The following PACRG variants were observed in gnomAD, a reference collection of about 807,000 sequenced individuals.
PACRG encodes the protein parkin coregulated gene protein.
Under a neutral mutation model 29.7 loss-of-function variants are expected in PACRG, and 29 were observed. The ratio of observed to expected loss-of-function variants is 0.98; its 90% confidence interval spans 0.73 to 1.33. The LOEUF is 1.33. Ranked by LOEUF, PACRG falls within the 40% of genes most tolerant of loss-of-function variation. PACRG has a pLI of 0.00. For synonymous variants in PACRG, 116 were observed against 118.7 expected, an observed-to-expected ratio of 0.98 and a Z score of 0.15; for missense variants, 279 against 316.2, an observed-to-expected ratio of 0.88 and a Z score of 0.89.
intron 2 of PACRG, among the ~76,000 whole-genome samples, chr6:162,978,204 G>T (rs1025317973): frequency 1.3e-5 from 2 of 152,006 alleles, no homozygotes; most frequent in Non-Finnish European, 2.9e-5. Context: ...CAGCATGAAT[G>T]CTCATTACTT....
intron 2 of PACRG, among the ~76,000 whole-genome samples, chr6:163,028,650 T>G (rs1307951351): frequency 6.6e-6 from 1 of 152,242 alleles, no homozygotes; most frequent in Non-Finnish European, 1.5e-5. Context: ...ATATAAAGTT[T>G]AAATGATCAA....
chr6:162,999,559 A>C (rs1412093664), intron 2 of PACRG, among the ~76,000 whole-genome samples: 2 of 152,240 alleles, frequency 1.3e-5, no homozygotes, highest in Middle Eastern at 3.2e-3. Flanking sequence ...AACACACACA[A>C]AAAATTCAGA....
intron 2 of PACRG, among the ~76,000 whole-genome samples, chr6:162,920,427 T>G (rs1421695679): frequency 1.3e-5 from 2 of 152,186 alleles, no homozygotes; most frequent in Non-Finnish European, 2.9e-5. Flanking sequence ...CAGTTTACCA[T>G]AGACACAGCA....
At chr6:163,230,633 A>C (rs1485833363) in intron 4 of PACRG, among the ~76,000 whole-genome samples, 1 of 152,214 alleles carries the variant, frequency 6.6e-6, no homozygotes, top group African/African-American at 2.4e-5. Flanking sequence ...GACGTGTCCA[A>C]ATGTGTCCAA....
At position 162,871,948 on chromosome 6, in the gene PACRG, C is replaced by CA. The variant is rs922208899; in HGVS notation, c.291+57676dup. 4.3e-3 allele frequency among the ~76,000 whole-genome samples: 653 copies of CA among 150,264 alleles called. 6 individuals are homozygous for CA. Among genetic ancestry groups the CA allele is most frequent in the African/African-American group, 0.015 (606 of 41,062 alleles). On this transcript the variant is annotated intron_variant, in intron 2 of 4. Coordinates refer to ENST00000366888, the MANE Select transcript of PACRG (RefSeq NM_001080379.2). ...AAACAAAAACAAAAACAAAACAAAA[C>CA]AAAAAAAAACAAAAGACTACTTTCT...
At chr6:162,950,285 C>T (rs1799548873) in intron 2 of PACRG, among the ~76,000 whole-genome samples, 1 of 151,932 alleles carries the variant, frequency 6.6e-6, no homozygotes, top group Admixed American at 6.6e-5. Flanking sequence ...ATCGTGAGGT[C>T]AGGAGATCGA....
intron 4 of PACRG, among the ~76,000 whole-genome samples, chr6:163,280,878 A>G (rs1409516688): frequency 2.0e-5 from 3 of 152,206 alleles, no homozygotes; most frequent in African/African-American, 7.2e-5. Context: ...GGACTTCAAC[A>G]TATGAATTTG....
intron 1 of PACRG, among the ~76,000 whole-genome samples, chr6:162,743,726 A>G (rs1562552419): frequency 6.6e-6 from 1 of 152,178 alleles, no homozygotes; most frequent in Non-Finnish European, 1.5e-5. Flanking sequence ...ATTCATATAC[A>G]TATAATTCAC....
intron 2 of PACRG, among the ~76,000 whole-genome samples, chr6:162,845,017 T>C (rs913728156): frequency 6.6e-6 from 1 of 152,140 alleles, no homozygotes; most frequent in African/African-American, 2.4e-5. Flanking sequence ...GTGCTTTTTG[T>C]CAAATAATCT....
At chr6:163,263,033 C>T (rs951198333) in intron 4 of PACRG, among the ~76,000 whole-genome samples, 67 of 150,454 alleles carry the variant, frequency 4.5e-4, no homozygotes, top group African/African-American at 1.5e-3. Context: ...CCTGGGCAAC[C>T]GAACAAGACT....
At chr6:163,264,119 C>T (rs1783438210) in intron 4 of PACRG, among the ~76,000 whole-genome samples, 1 of 152,182 alleles carries the variant, frequency 6.6e-6, no homozygotes, top group South Asian at 2.1e-4. Flanking sequence ...AAGATGCAAA[C>T]TCAAATAGCT....
rs571398294 is a variant in PACRG, at chr6:162,800,381, T to C, written c.157-13766T>C. 3.3e-5 allele frequency among the ~76,000 whole-genome samples: 5 copies of C among 152,334 alleles called. No homozygotes were observed. In the East Asian group the frequency reaches 9.6e-4, roughly 29 times the overall value. On this transcript the variant is annotated intron_variant, in intron 1 of 4. Transcript: ENST00000366888. ...AAAAATAATTTAAAACAAATTTTGT[T>C]GTTTAACCATTGCTTTCAGGACAAT...
At position 163,314,719 on chromosome 6, in the gene PACRG, A is replaced by G. The variant is rs1785577979; in HGVS notation, c.614-108A>G. 17 of 1,223,578 alleles carry G rather than the reference A, an allele frequency of 1.4e-5. No homozygotes were observed. The South Asian group carries it at 2.9e-4, about 21-fold the overall frequency. The allele number at this position is 1,223,578 out of a possible 1,614,324, so 75.8% of individuals were successfully genotyped here. On this transcript the variant is annotated intron_variant, in intron 4 of 4. Transcript: ENST00000366888. ...CCGCAAGATCGTGTAAAAATCTTGC[A>G]TGTTTGTGTCTCCTAATAAGCATTC...
chr6:163,034,531 C>A (rs1028457564), intron 2 of PACRG, among the ~76,000 whole-genome samples: 2 of 152,152 alleles, frequency 1.3e-5, no homozygotes, highest in African/African-American at 2.4e-5. Flanking sequence ...CTCTAACCCA[C>A]TCATTCTTAA....
At chr6:163,276,978 T>C (rs891607773) in intron 4 of PACRG, among the ~76,000 whole-genome samples, 1 of 152,226 alleles carries the variant, frequency 6.6e-6, no homozygotes, top group Admixed American at 6.5e-5. Flanking sequence ...TAATGAAATA[T>C]TTTCATATTC....
chr6:162,760,695 A>C (rs1458409958), intron 1 of PACRG, among the ~76,000 whole-genome samples: 1 of 152,036 alleles, frequency 6.6e-6, no homozygotes, highest in Non-Finnish European at 1.5e-5. Flanking sequence ...GACGTTTAGA[A>C]AGTGTGAGGC....
At chr6:163,230,798 G>A (rs73597559) in intron 4 of PACRG, among the ~76,000 whole-genome samples, 5,446 of 68,424 alleles carry the variant, frequency 0.08, 299 homozygotes, top group African/African-American at 0.26. Flanking sequence ...GGAAAAACCC[G>A]GAAGGTTATC....
At chr6:162,932,577 T>C (rs954815036) in intron 2 of PACRG, among the ~76,000 whole-genome samples, 4 of 152,042 alleles carry the variant, frequency 2.6e-5, no homozygotes, top group African/African-American at 9.7e-5. Context: ...TATTGGTTTC[T>C]TGAAATTTTC....
intron 4 of PACRG, among the ~76,000 whole-genome samples, chr6:163,236,428 A>G (rs1398545306): frequency 3.9e-5 from 6 of 152,160 alleles, no homozygotes; most frequent in African/African-American, 1.4e-4. Flanking sequence ...AATCTCTTCT[A>G]CGTATTCCTA....
Sources: gnomAD v4.1 joint callset for allele counts (sites outside exome capture counted in the v4.1 genomes callset) on GRCh38, gnomAD v4.1.1 for gene constraint, MANE v1.5 for transcripts, NCBI Gene and HGNC (gene_info 2026-07-23, HGNC 2026-07-21) for gene names.